The following CDKL5 variants were observed in gnomAD, a reference collection of about 807,000 sequenced individuals.
CDKL5 encodes the protein cyclin-dependent kinase-like 5.
Under a neutral mutation model 61.7 loss-of-function variants are expected in CDKL5, and 8 were observed. That is an observed-to-expected ratio of 0.13 (90% confidence interval 0.08 to 0.23). The LOEUF (loss-of-function observed/expected upper bound fraction) is 0.23, where lower values mean the gene tolerates loss of function less well. Among genes scored for constraint, CDKL5 ranks in the 10% least tolerant of loss-of-function variants. The pLI, the probability that CDKL5 is intolerant of heterozygous loss-of-function variation, is 1.00. For missense variants in CDKL5, 440 were observed against 734.5 expected (o/e 0.60, Z 4.63); for synonymous variants, 275 against 272.3 (o/e 1.01, Z -0.10).
chrX:18,504,253 G>GT (rs750966633), intron 1 of CDKL5, among the ~76,000 whole-genome samples: 2 of 109,734 alleles, frequency 1.8e-5, no homozygotes, highest in Admixed American at 9.7e-5. Context: ...ACCAGGCTAG[G>GT]TTTTTTTTGT....
At chrX:18,447,205 A>G (rs1602195578) in intron 1 of CDKL5, among the ~76,000 whole-genome samples, 2 of 111,221 alleles carry the variant, frequency 1.8e-5, no homozygotes, top group East Asian at 2.8e-4. Context: ...GGACAGCCCC[A>G]TGACAAAGGA....
In CDKL5 at chrX:18,579,922, A is replaced by G. The variant is rs1309904122; in HGVS notation, c.357A>G (p.Leu119=). The change falls in exon 6 of 18, where the codon CTA becomes CTG. Residue 119 remains leucine, a synonymous_variant. Transcript: ENST00000623535. ...PEKVKSYIYQ[L]IKAIHWCHKN... ...AAGTAAAAAGCTACATCTATCAGCT[A>G]ATCAAGGCTATTCACTGGTGCCATA... 8.3e-7 allele frequency: 1 copy of G among 1,200,721 alleles called. No homozygotes were observed. Among genetic ancestry groups the G allele is most frequent in the Non-Finnish European group, 1.1e-6 (1 of 885,528 alleles).
chrX:18,647,064 G>GTGC, intron 20 of CDKL5: 1 of 752,068 alleles, frequency 1.3e-6, no homozygotes, highest in Non-Finnish European at 2.0e-6. Flanking sequence ...TTACAGGCAC[G>GTGC]TGCCACCACG....
rs183141237 is a variant in CDKL5 at position 18,595,724 on chromosome X, A to G, written c.825+296A>G. 5.5e-3 allele frequency among the ~76,000 whole-genome samples: 617 copies of G among 112,468 alleles called. 7 individuals are homozygous for G. Among genetic ancestry groups the G allele is most frequent in the African/African-American group, 0.019 (577 of 30,985 alleles). On this transcript the variant is annotated intron_variant, in intron 10 of 17. Transcript: ENST00000623535. ...AGCTGTTCAAGCATAAGGTTTTAAA[A>G]CAAATCTTAAAATCAATGTTGAAAG...
At chrX:18,513,771 T>A (rs1922908542) in intron 3 of CDKL5, among the ~76,000 whole-genome samples, 1 of 111,894 alleles carries the variant, frequency 8.9e-6, no homozygotes, top group African/African-American at 3.2e-5. Context: ...GACCTTCAAA[T>A]CTATACCCCA....
intron 1 of CDKL5, among the ~76,000 whole-genome samples, chrX:18,431,174 T>C (rs1569181249): frequency 1.8e-5 from 2 of 111,690 alleles, no homozygotes; most frequent in African/African-American, 3.3e-5. Context: ...TGATTTTTTT[T>C]TAAAACAAGA....
At chrX:18,536,174 A>T (rs1923818538) in intron 3 of CDKL5, 1 of 111,329 alleles carries the variant, frequency 9.0e-6, no homozygotes, top group Non-Finnish European at 1.9e-5. Context: ...AAGCATTATG[A>T]TTCTGCTTGA....
intron 5 of CDKL5, among the ~76,000 whole-genome samples, chrX:18,577,484 G>T (rs958910811): frequency 1.1e-4 from 12 of 112,246 alleles, no homozygotes; most frequent in Non-Finnish European, 1.5e-4. Context: ...AGAGACCCAG[G>T]ATTGCAGAGG....
At chrX:18,489,700 A>G (rs375525139) in intron 1 of CDKL5, among the ~76,000 whole-genome samples, 2 of 110,719 alleles carry the variant, frequency 1.8e-5, no homozygotes, top group East Asian at 2.8e-4. Flanking sequence ...GACCAAACCA[A>G]TGTACATCTT....
intron 1 of CDKL5, among the ~76,000 whole-genome samples, chrX:18,428,832 G>T (rs1722240140): frequency 9.1e-6 from 1 of 109,393 alleles, no homozygotes; most frequent in Non-Finnish European, 1.9e-5. Context: ...GGCATCAGTT[G>T]GACTACATTT....
At chrX:18,574,811 C>T (rs1039045685) in intron 4 of CDKL5, among the ~76,000 whole-genome samples, 13 of 111,915 alleles carry the variant, frequency 1.2e-4, no homozygotes, top group Non-Finnish European at 2.4e-4. Flanking sequence ...GGATGCTTGG[C>T]GCATGACCTC....
downstream of CDKL5, chrX:18,644,671 T>G (rs776962681): frequency 1.7e-6 from 2 of 1,174,257 alleles, no homozygotes; most frequent in East Asian, 6.0e-5. Flanking sequence ...CCTGTGCATG[T>G]CTGCAAAAAG....
At chrX:18,500,755 C>T (rs1454844152) in intron 1 of CDKL5, among the ~76,000 whole-genome samples, 1 of 111,756 alleles carries the variant, frequency 8.9e-6, no homozygotes, top group East Asian at 2.8e-4. Context: ...TCCAATATGG[C>T]ATAATTTTTT....
chrX:18,580,050 A>T (rs768113920), intron 6 of CDKL5, 82 bp downstream of exon 6: 1 of 856,696 alleles, frequency 1.2e-6, no homozygotes, highest in South Asian at 2.2e-5. Context: ...GTCTTTAAGA[A>T]TATTTTCATA....
chrX:18,508,719 TA>T (rs1922677673), intron 2 of CDKL5, among the ~76,000 whole-genome samples: 1 of 110,237 alleles, frequency 9.1e-6, no homozygotes. Flanking sequence ...GTTACTTTGT[TA>T]TCAGAACTAC....
intron 17 of CDKL5, among the ~76,000 whole-genome samples, chrX:18,625,516 A>G (rs889984729): frequency 8.1e-5 from 9 of 111,605 alleles, no homozygotes; most frequent in African/African-American, 2.9e-4. Flanking sequence ...CAGCCCATAA[A>G]TACAGCCCAG....
At chrX:18,593,937 C>A (rs1001712276) in intron 9 of CDKL5, among the ~76,000 whole-genome samples, 3 of 111,956 alleles carry the variant, frequency 2.7e-5, no homozygotes, top group Non-Finnish European at 5.6e-5. Flanking sequence ...TTGGTCTTTC[C>A]TTTCTCTGAG....
At position 18,633,842 on chromosome X, in the gene CDKL5, C is replaced by T. The variant is rs993203514; in HGVS notation, c.*5085C>T. On this transcript the variant is annotated 3_prime_UTR_variant, in exon 18 of 18. Transcript: ENST00000623535. ...GTCCTGGCTCCACCTTTCTCCTCTC[C>T]GGGCACTGACCCCACCTTTCCGTGT... 15 of 752,137 alleles carry T rather than the reference C, an allele frequency of 2.0e-5. No homozygotes were observed. The highest frequency in any genetic ancestry group is 8.8e-5 in the Admixed American group (1 of 11,315). 62.0% of individuals were successfully genotyped at this position (752,137 alleles called of 1,213,427 possible).
chrX:18,618,302 A>C (rs978943969), intron 15 of CDKL5, among the ~76,000 whole-genome samples: 14 of 112,059 alleles, frequency 1.2e-4, no homozygotes, highest in Non-Finnish European at 2.4e-4. Context: ...GTGTTTTTGC[A>C]GATAGTATTG....
Sources: allele counts gnomAD v4.1 joint callset (sites outside exome capture counted in the v4.1 genomes callset), GRCh38; gene constraint gnomAD v4.1.1; transcripts MANE v1.5; gene names NCBI Gene and HGNC (gene_info 2026-07-23, HGNC 2026-07-21).